The following CORO2B variants were observed in gnomAD, a reference collection of about 807,000 sequenced individuals.
The protein encoded by CORO2B is coronin 2B.
In CORO2B, 26 loss-of-function variants were observed where a neutral mutation model predicts 58.8. The observed-to-expected ratio is 0.44, with a 90% CI of 0.32 to 0.61. CORO2B has a LOEUF of 0.61. CORO2B is among the 20% of genes least tolerant of loss of function. The pLI, the probability that CORO2B is intolerant of heterozygous loss-of-function variation, is 0.04. For synonymous variants in CORO2B, 242 were observed against 253.8 expected (o/e 0.95, Z 0.44); for missense variants, 460 against 645.1 (o/e 0.71, Z 3.11).
intron 1 of CORO2B, among the ~76,000 whole-genome samples, chr15:68,583,526 C>G (rs1007197143): frequency 6.6e-5 from 10 of 152,188 alleles, no homozygotes; most frequent in Non-Finnish European, 1.5e-4. Context: ...CCCTTCCTGT[C>G]CTGCTGGTGC....
At chr15:68,695,096 A>G (rs750228464) in intron 2 of CORO2B, 44 bp from the exon 3 acceptor site, 5 of 1,524,806 alleles carry the variant, frequency 3.3e-6, no homozygotes, top group Non-Finnish European at 4.5e-6. Context: ...CCCCAGGGCC[A>G]TCAAACTAAT....
intron 3 of CORO2B, among the ~76,000 whole-genome samples, chr15:68,699,289 T>G (rs1208499868): frequency 6.6e-6 from 1 of 152,054 alleles, no homozygotes; most frequent in Non-Finnish European, 1.5e-5. Context: ...TCTCAAGCCA[T>G]CTGAGCATCA....
chr15:68,594,558 G>A lies in CORO2B; in HGVS notation c.15+15281G>A, dbSNP rs58947334. On this transcript the variant is annotated intron_variant, in intron 1 of 11. Coordinates refer to ENST00000261861, the MANE Select transcript of CORO2B (RefSeq NM_006091.5). Reference sequence around the variant, plus strand: ...AGGAGCCCCGATTTCTGAATAACCAGCAGCAGATCTAAAGCAGTTCTGTTT... The same window carrying A: ...AGGAGCCCCGATTTCTGAATAACCAACAGCAGATCTAAAGCAGTTCTGTTT... 7.2e-3 allele frequency among the ~76,000 whole-genome samples: 1,098 copies of A among 152,324 alleles called. 54 individuals are homozygous for A. In the East Asian group the frequency reaches 0.11, roughly 16 times the overall value.
chr15:68,556,389 G>C, the CORO2B span, among the ~76,000 whole-genome samples: 1 of 152,204 alleles, frequency 6.6e-6, no homozygotes, highest in East Asian at 1.9e-4. Flanking sequence ...GCCAGGCACA[G>C]GTCCCTACAA....
At chr15:68,598,855 T>C (rs946166280) in intron 1 of CORO2B, among the ~76,000 whole-genome samples, 36 of 152,154 alleles carry the variant, frequency 2.4e-4, no homozygotes, top group African/African-American at 8.0e-4. Flanking sequence ...TGACTCTGCT[T>C]GCGGGAAGCT....
At chr15:68,723,458 G>A (rs1355743529) in intron 11 of CORO2B, among the ~76,000 whole-genome samples, 2 of 150,260 alleles carry the variant, frequency 1.3e-5, no homozygotes, top group African/African-American at 4.9e-5. Context: ...TTGTTGTTTT[G>A]TTTTGTTTTG....
At chr15:68,672,278 C>G (rs1292160280) in intron 2 of CORO2B, among the ~76,000 whole-genome samples, 1 of 151,996 alleles carries the variant, frequency 6.6e-6, no homozygotes, top group Non-Finnish European at 1.5e-5. Flanking sequence ...CTCTGTCGCC[C>G]AGGCTGGGGT....
the CORO2B span, among the ~76,000 whole-genome samples, chr15:68,518,381 A>G: frequency 2.2e-4 from 34 of 152,076 alleles, no homozygotes; most frequent in African/African-American, 8.2e-4. Flanking sequence ...ATGAGGACCG[A>G]GCTCTTCCTT....
At chr15:68,554,951 G>A in the CORO2B span, among the ~76,000 whole-genome samples, 1 of 152,174 alleles carries the variant, frequency 6.6e-6, no homozygotes, top group Admixed American at 6.5e-5. Flanking sequence ...CCCAACCCCA[G>A]GGCTGTGTGA....
the CORO2B span, among the ~76,000 whole-genome samples, chr15:68,550,945 C>T: frequency 1.1e-4 from 16 of 152,160 alleles, no homozygotes; most frequent in East Asian, 1.7e-3. Context: ...CTCCAGTCTC[C>T]CTCCCACTTA....
Position 68,694,591 on chromosome 15 carries a change from A to G in CORO2B, c.217-549A>G, listed in dbSNP as rs560158600. On this transcript the variant is annotated intron_variant, in intron 2 of 11. Coordinates refer to ENST00000261861, the MANE Select transcript of CORO2B (RefSeq NM_006091.5). ...GAGAGAATGGCTCGTGTAAGAGTAT[A>G]TAGGTGGACCCAGAGATTCAGACCT... is the stretch of plus-strand genomic sequence containing the variant. Among the ~76,000 whole-genome samples, 28 of 152,294 alleles carry G rather than the reference A, an allele frequency of 1.8e-4. 1 individual carries two copies. The highest frequency in any genetic ancestry group is 1.6e-3 in the Admixed American group (25 of 15,300).
At chr15:68,617,859 G>A (rs1268844165) in intron 1 of CORO2B, among the ~76,000 whole-genome samples, 5 of 152,176 alleles carry the variant, frequency 3.3e-5, no homozygotes, top group Admixed American at 3.3e-4. Flanking sequence ...CTTAGAGATT[G>A]TGGCTGAATG....
intron 2 of CORO2B, among the ~76,000 whole-genome samples, chr15:68,661,107 G>A (rs8038357): frequency 0.031 from 4,756 of 151,910 alleles, 215 homozygotes; most frequent in African/African-American, 0.095. Context: ...CCTCCCCAGT[G>A]GCTGGGATTA....
intron 1 of CORO2B, among the ~76,000 whole-genome samples, chr15:68,596,007 T>A (rs1358546418): frequency 6.6e-6 from 1 of 151,494 alleles, no homozygotes; most frequent in Non-Finnish European, 1.5e-5. Flanking sequence ...CCAGTGAGGT[T>A]TGAGTGTGGA....
At chr15:68,568,152 AGTTGGAG>A in the CORO2B span, among the ~76,000 whole-genome samples, 1 of 152,200 alleles carries the variant, frequency 6.6e-6, no homozygotes, top group African/African-American at 2.4e-5. Flanking sequence ...ACAGGGATAA[AGTTGGAG>A]GTTGAGTACA....
chr15:68,581,498 C>T (rs1405448617), intron 1 of CORO2B, among the ~76,000 whole-genome samples: 1 of 152,176 alleles, frequency 6.6e-6, no homozygotes, highest in Non-Finnish European at 1.5e-5. Flanking sequence ...GAAGGCCTGG[C>T]CCCTAGTCCT....
intron 2 of CORO2B, among the ~76,000 whole-genome samples, chr15:68,650,568 C>G (rs1901610779): frequency 6.6e-6 from 1 of 152,078 alleles, no homozygotes; most frequent in Admixed American, 6.5e-5. Flanking sequence ...GCCGAAATCG[C>G]GCAACTGCAC....
chr15:68,699,848 C>T (rs906351404), intron 3 of CORO2B, among the ~76,000 whole-genome samples: 3 of 152,204 alleles, frequency 2.0e-5, no homozygotes, highest in Non-Finnish European at 4.4e-5. Flanking sequence ...CCTGGTTCTA[C>T]AAGGGAGGAA....
intron 3 of CORO2B, among the ~76,000 whole-genome samples, chr15:68,697,146 TTGGATGGATGGATTGTTGGATGGATAGA>T (rs1892532283): frequency 2.7e-5 from 4 of 149,456 alleles, no homozygotes; most frequent in Admixed American, 6.8e-5. Context: ...GGATGGATTG[TTGGATGGATGGATTGTTGGATGGATAGA>T]TGGATGGATG....
Sources: allele counts gnomAD v4.1 joint callset (sites outside exome capture counted in the v4.1 genomes callset), GRCh38; gene constraint gnomAD v4.1.1; transcripts MANE v1.5; gene names NCBI Gene and HGNC (gene_info 2026-07-23, HGNC 2026-07-21).